TENM2: variants seen among roughly 807,000 people sequenced by gnomAD.
The protein encoded by TENM2 is teneurin transmembrane protein 2.
Under a neutral mutation model 245.2 loss-of-function variants are expected in TENM2, and 52 were observed. The ratio of observed to expected loss-of-function variants is 0.21; its 90% confidence interval spans 0.17 to 0.27. The LOEUF is 0.27. TENM2 is among the 10% of genes least tolerant of loss of function. The pLI is 1.00. For missense variants in TENM2, 3,046 were observed against 3,666.8 expected, an observed-to-expected ratio of 0.83 and a Z score of 4.37; for synonymous variants, 1,363 against 1,438.9, an observed-to-expected ratio of 0.95 and a Z score of 1.19.
chr5:167,069,750 A>T, the TENM2 span, among the ~76,000 whole-genome samples: 1 of 152,038 alleles, frequency 6.6e-6, no homozygotes, highest in Non-Finnish European at 1.5e-5. Flanking sequence ...CTTAATTTTC[A>T]TTTAGCTGAA....
At chr5:168,112,611 G>GGGGT (rs890159564) in intron 9 of TENM2, among the ~76,000 whole-genome samples, 2 of 129,146 alleles carry the variant, frequency 1.5e-5, no homozygotes, top group Non-Finnish European at 3.3e-5. Context: ...GTGGGCGGGG[G>GGGGT]GGGGGTCAAA....
At chr5:167,554,426 A>G (rs555899545) in intron 2 of TENM2, among the ~76,000 whole-genome samples, 2 of 152,266 alleles carry the variant, frequency 1.3e-5, no homozygotes, top group South Asian at 4.1e-4. Flanking sequence ...TGACCTCACG[A>G]TACAGTGTTC....
chr5:167,604,062 A>G (rs940027397), intron 2 of TENM2, among the ~76,000 whole-genome samples: 2 of 152,184 alleles, frequency 1.3e-5, no homozygotes, highest in African/African-American at 4.8e-5. Flanking sequence ...AAAACAATAT[A>G]CTAGCCTTGT....
At position 167,754,895 on chromosome 5, in the gene TENM2, G is replaced by A. The variant is rs1762196832; in HGVS notation, c.503-121091G>A. The A allele has an allele frequency of 6.4e-6, 6 of 940,488 alleles. No individual in the cohort carries two copies. The Admixed American group carries it at 8.6e-5, about 14-fold the overall frequency. The allele number at this position is 940,488 out of a possible 1,614,324, so 58.3% of individuals were successfully genotyped here. A position where few individuals can be genotyped will look rare whatever the true frequency, so the allele number is the denominator to read the frequency against. On this transcript the variant is annotated intron_variant, in intron 2 of 28. Coordinates refer to ENST00000518659, the Ensembl canonical transcript of TENM2. ...CATGCTGAGGCTGTCTACAGGGAAGGGAGCAGAAAGGGAGGAGGGAGAGAG... is the reference window on the plus strand; with the variant it reads ...CATGCTGAGGCTGTCTACAGGGAAGAGAGCAGAAAGGGAGGAGGGAGAGAG...
intron 9 of TENM2, among the ~76,000 whole-genome samples, chr5:168,106,671 G>A (rs567173095): frequency 1.4e-4 from 21 of 152,296 alleles, no homozygotes; most frequent in African/African-American, 4.8e-4. Context: ...TTGTGCGATG[G>A]TTACACACTA....
chr5:167,026,664 A>G, the TENM2 span, among the ~76,000 whole-genome samples: 2 of 152,270 alleles, frequency 1.3e-5, no homozygotes, highest in South Asian at 4.1e-4. Context: ...GATCATTTTC[A>G]TCTGATTCCC....
In TENM2 at chr5:168,255,121, A is replaced by G. The variant is rs6860999; in HGVS notation, c.7433-5162A>G. ...TCTTGCTTTTCTTGGAATTCCCTAC[A>G]TACCCTATCCCTGGTGAAAGATGGG... is the stretch of plus-strand genomic sequence containing the variant. On this transcript the variant is annotated intron_variant, in intron 27 of 28. Transcript: ENST00000518659. Among the ~76,000 whole-genome samples the G allele has an allele frequency of 9.2e-3, 1,403 of 152,242 alleles. 23 individuals are homozygous for G. Among genetic ancestry groups the G allele is most frequent in the African/African-American group, 0.032 (1,340 of 41,542 alleles).
chr5:167,250,520 T>C, the TENM2 span, among the ~76,000 whole-genome samples: 16 of 152,264 alleles, frequency 1.1e-4, no homozygotes, highest in South Asian at 4.1e-4. Context: ...ATATGTGACT[T>C]ATGTTATATT....
chr5:166,980,020 C>A, the TENM2 span, among the ~76,000 whole-genome samples: 3 of 152,192 alleles, frequency 2.0e-5, no homozygotes, highest in African/African-American at 7.2e-5. Flanking sequence ...CTAAAATATT[C>A]AAAATTGCAG....
intron 13 of TENM2, among the ~76,000 whole-genome samples, chr5:168,163,992 C>T (rs939697074): frequency 6.6e-6 from 1 of 152,080 alleles, no homozygotes; most frequent in Non-Finnish European, 1.5e-5. Flanking sequence ...CTTGTTTAAT[C>T]CTAAATGGGT....
chr5:167,547,365 C>A (rs1028840078), intron 2 of TENM2, among the ~76,000 whole-genome samples: 1 of 152,150 alleles, frequency 6.6e-6, no homozygotes, highest in Admixed American at 6.6e-5. Context: ...GCCACCGTGC[C>A]CGGCCTTGGC....
chr5:167,690,065 G>A (rs1482616954), intron 2 of TENM2, among the ~76,000 whole-genome samples: 1 of 149,840 alleles, frequency 6.7e-6, no homozygotes, highest in Non-Finnish European at 1.5e-5. Flanking sequence ...AAAATCATCT[G>A]GGAATGGAAG....
the TENM2 span, among the ~76,000 whole-genome samples, chr5:167,278,543 C>T: frequency 8.6e-5 from 13 of 151,968 alleles, no homozygotes; most frequent in South Asian, 4.1e-4. Context: ...GGTTACTGAA[C>T]GGTTTATAGG....
At chr5:167,785,030 G>A (rs1176644495) in intron 2 of TENM2, among the ~76,000 whole-genome samples, 1 of 151,810 alleles carries the variant, frequency 6.6e-6, no homozygotes, top group Non-Finnish European at 1.5e-5. Context: ...ATGCAGCCCT[G>A]CATGGCATTC....
At chr5:167,941,924 C>T (rs32417) in intron 3 of TENM2, among the ~76,000 whole-genome samples, 51,602 of 151,578 alleles carry the variant, frequency 0.34, 11,854 homozygotes, top group African/African-American at 0.66. Context: ...TCTCAAAAAA[C>T]AGGCCAGGCA....
chr5:166,987,044 T>G, the TENM2 span, among the ~76,000 whole-genome samples: 1 of 152,178 alleles, frequency 6.6e-6, no homozygotes. Flanking sequence ...GAGCCTGAAC[T>G]CTTCTTCCTA....
chr5:168,143,264 CTTT>C (rs35494533), intron 12 of TENM2, among the ~76,000 whole-genome samples: 1 of 144,454 alleles, frequency 6.9e-6, no homozygotes, highest in Non-Finnish European at 1.5e-5. Flanking sequence ...AAGTCTTACT[CTTT>C]TTTTTTTTTT....
intron 2 of TENM2, among the ~76,000 whole-genome samples, chr5:167,690,101 CTTTTTT>C (rs370994752): frequency 0.42 from 50,797 of 119,814 alleles, 11,320 homozygotes; most frequent in East Asian, 0.78. Flanking sequence ...AAAAAACACA[CTTTTTT>C]TTTTTTTTTT....
chr5:168,117,991 A>G (rs1387848377), intron 9 of TENM2, among the ~76,000 whole-genome samples: 1 of 152,178 alleles, frequency 6.6e-6, no homozygotes, highest in East Asian at 1.9e-4. Context: ...AAAAATGGGG[A>G]CCATGACTGT....
Sources: allele counts gnomAD v4.1 joint callset (sites outside exome capture counted in the v4.1 genomes callset), GRCh38; gene constraint gnomAD v4.1.1; transcripts MANE v1.5; gene names NCBI Gene and HGNC (gene_info 2026-07-23, HGNC 2026-07-21).